GRIP1: variants seen among roughly 807,000 people sequenced by gnomAD.
GRIP1 encodes glutamate receptor-interacting protein 1.
In GRIP1, 45 loss-of-function variants were observed where a neutral mutation model predicts 129.9. The observed-to-expected ratio is 0.35, with a 90% CI of 0.27 to 0.44. The LOEUF (loss-of-function observed/expected upper bound fraction) is 0.44, where lower values mean the gene tolerates loss of function less well. Among genes scored for constraint, GRIP1 ranks in the 20% least tolerant of loss-of-function variants. The pLI, the probability that GRIP1 is intolerant of heterozygous loss-of-function variation, is 1.00. For synonymous variants in GRIP1, 530 were observed against 520.8 expected (o/e 1.02, Z -0.24); for missense variants, 1,196 against 1,396.8 (o/e 0.86, Z 2.29).
intron 19 of GRIP1, among the ~76,000 whole-genome samples, chr12:66,386,385 G>A (rs2056358331): frequency 6.6e-6 from 1 of 152,184 alleles, no homozygotes; most frequent in African/African-American, 2.4e-5. Flanking sequence ...TGTAATCCCA[G>A]CACTTTGGGA....
chr12:66,475,320 T>G (rs2059571475), intron 7 of GRIP1, among the ~76,000 whole-genome samples: 1 of 152,162 alleles, frequency 6.6e-6, no homozygotes, highest in South Asian at 2.1e-4. Context: ...AGCACCTAGA[T>G]TCATACAGCA....
At chr12:66,554,904 G>A (rs1223640966) in intron 2 of GRIP1, among the ~76,000 whole-genome samples, 1 of 152,110 alleles carries the variant, frequency 6.6e-6, no homozygotes, top group Non-Finnish European at 1.5e-5. Context: ...GCTTTCTAAG[G>A]TTCCTGACTC....
chr12:66,954,072 T>A (rs1031936701), intron 1 of GRIP1, among the ~76,000 whole-genome samples: 8 of 152,224 alleles, frequency 5.3e-5, no homozygotes, highest in Non-Finnish European at 1.2e-4. Flanking sequence ...TTTCTCCTAC[T>A]GGGTTTCAAG....
chr12:66,369,153 A>C (rs1290631130), intron 23 of GRIP1, among the ~76,000 whole-genome samples: 1 of 152,206 alleles, frequency 6.6e-6, no homozygotes, highest in African/African-American at 2.4e-5. Flanking sequence ...GTCACCATTT[A>C]GAGAAAATGA....
intron 1 of GRIP1, among the ~76,000 whole-genome samples, chr12:66,649,805 A>G (rs2032656566): frequency 6.6e-6 from 1 of 152,242 alleles, no homozygotes; most frequent in Non-Finnish European, 1.5e-5. Flanking sequence ...ACAGTTGAAG[A>G]CATTAAATAG....
intron 1 of GRIP1, among the ~76,000 whole-genome samples, chr12:66,897,649 T>C (rs964509162): frequency 6.6e-6 from 1 of 152,192 alleles, no homozygotes; most frequent in African/African-American, 2.4e-5. Flanking sequence ...AAACAGTTGA[T>C]GAAATGGCAG....
In GRIP1 at chr12:66,889,616, T is replaced by C. The variant is rs575262324; in HGVS notation, c.58+179434A>G. Among the ~76,000 whole-genome samples the C allele has an allele frequency of 2.0e-5, 3 of 152,354 alleles. No individual in the cohort carries two copies. The East Asian group carries it at 5.8e-4, about 29-fold the overall frequency. On this transcript the variant is annotated intron_variant, in intron 1 of 1. Transcript: ENST00000643019. ...AATCAGTGGTGTAAGGTAAAATTCA[T>C]TCCTTGATCAGGATAAACAGCTAAT...
At chr12:66,653,691 C>T (rs112083894) in intron 1 of GRIP1, among the ~76,000 whole-genome samples, 54 of 152,300 alleles carry the variant, frequency 3.5e-4, no homozygotes, top group African/African-American at 1.2e-3. Context: ...CCAAGATAAT[C>T]GACTGCCTGA....
intron 1 of GRIP1, among the ~76,000 whole-genome samples, chr12:66,650,975 G>GCTGTAAGGA (rs1415233115): frequency 6.6e-6 from 1 of 152,132 alleles, no homozygotes; most frequent in Admixed American, 6.5e-5. Flanking sequence ...TCATAGCACT[G>GCTGTAAGGA]CTGTAAGGAC....
rs544686943 is a variant in GRIP1, at chr12:66,501,943, A to G, written c.724+13676T>C. Reference sequence around the variant, plus strand: ...ATCTTTGAAAAATTTGTAATTGTCAATGGGACTACTGGGTTTGATGTGATT... The same window carrying G: ...ATCTTTGAAAAATTTGTAATTGTCAGTGGGACTACTGGGTTTGATGTGATT... On this transcript the variant is annotated intron_variant, in intron 7 of 24. Coordinates refer to ENST00000359742, the MANE Select transcript of GRIP1 (RefSeq NM_001366722.1). Among the ~76,000 whole-genome samples, 13 of 152,314 alleles carry G rather than the reference A, an allele frequency of 8.5e-5. No homozygotes were observed. The East Asian group carries it at 1.9e-3, about 23-fold the overall frequency.
intron 14 of GRIP1, among the ~76,000 whole-genome samples, chr12:66,421,575 T>C (rs535498474): frequency 1.3e-5 from 2 of 152,214 alleles, no homozygotes; most frequent in East Asian, 1.9e-4. Flanking sequence ...TCTTTTTTTT[T>C]TCCTCACAAG....
At chr12:66,715,402 C>A (rs985699099) in intron 1 of GRIP1, among the ~76,000 whole-genome samples, 1 of 150,070 alleles carries the variant, frequency 6.7e-6, no homozygotes, top group African/African-American at 2.5e-5. Context: ...ATTTTAGCCA[C>A]CAGATCTGAA....
intron 1 of GRIP1, among the ~76,000 whole-genome samples, chr12:66,662,238 G>T (rs1261107792): frequency 6.6e-6 from 1 of 152,012 alleles, no homozygotes; most frequent in Non-Finnish European, 1.5e-5. Flanking sequence ...TATTAATCCT[G>T]ACTGCCCCCT....
intron 2 of GRIP1, chr12:66,567,640 T>C (rs143393332): frequency 3.8e-4 from 82 of 215,038 alleles, no homozygotes; most frequent in African/African-American, 1.8e-3. Flanking sequence ...TTCTTCATTA[T>C]AGACATCTTC....
chr12:66,352,687 C>T (rs1156714150), intron 24 of GRIP1, among the ~76,000 whole-genome samples: 3 of 148,168 alleles, frequency 2.0e-5, no homozygotes, highest in South Asian at 2.1e-4. Flanking sequence ...GAGTTAAGAT[C>T]GTGCCACTGC....
At chr12:66,902,820 C>T (rs1016053248) in intron 1 of GRIP1, among the ~76,000 whole-genome samples, 1 of 152,128 alleles carries the variant, frequency 6.6e-6, no homozygotes, top group African/African-American at 2.4e-5. Context: ...CCCTTAAATG[C>T]ATATTGTTGT....
chr12:66,640,521 G>A (rs573869046), intron 1 of GRIP1, among the ~76,000 whole-genome samples: 11 of 152,314 alleles, frequency 7.2e-5, no homozygotes, highest in Non-Finnish European at 1.2e-4. Flanking sequence ...GTCTCTCGAA[G>A]TTGATTTTGA....
At position 66,529,821 on chromosome 12, in the gene GRIP1, C is replaced by A; in HGVS notation, c.502+10G>T. ...TTTTTTTAAAGTAGATTTTTCTAACCAACACCTACCTCGAATTACAAAACC... is the reference window on the plus strand; with the variant it reads ...TTTTTTTAAAGTAGATTTTTCTAACAAACACCTACCTCGAATTACAAAACC... On this transcript the variant is annotated intron_variant, in intron 5 of 24. Transcript: ENST00000359742. 1 of 1,481,710 alleles carries A rather than the reference C, an allele frequency of 6.7e-7. No homozygotes were observed. The highest frequency in any genetic ancestry group is 9.4e-7 in the Non-Finnish European group (1 of 1,059,312). 91.8% of individuals were successfully genotyped at this position (1,481,710 alleles called of 1,614,324 possible).
chr12:66,851,328 C>T (rs747538558), intron 1 of GRIP1, among the ~76,000 whole-genome samples: 12 of 151,964 alleles, frequency 7.9e-5, no homozygotes, highest in Admixed American at 1.3e-4. Flanking sequence ...TTGGTAAGTA[C>T]GTTGCTCTAC....
Sources: gnomAD v4.1 joint callset for allele counts (sites outside exome capture counted in the v4.1 genomes callset) on GRCh38, gnomAD v4.1.1 for gene constraint, MANE v1.5 for transcripts, NCBI Gene and HGNC (gene_info 2026-07-23, HGNC 2026-07-21) for gene names.